The following UNC5D variants were observed in gnomAD, a reference collection of about 807,000 sequenced individuals.
UNC5D encodes netrin receptor UNC5D.
A neutral mutation model predicts 105.4 loss-of-function variants in UNC5D; 39 were observed. The observed-to-expected ratio is 0.37, with a 90% CI of 0.29 to 0.48. The LOEUF (loss-of-function observed/expected upper bound fraction) is 0.48, where lower values mean the gene tolerates loss of function less well. Ranked by LOEUF, UNC5D falls within the 20% of genes least tolerant of loss-of-function variation. UNC5D has a pLI of 0.98. For synonymous variants in UNC5D, 452 were observed against 450.4 expected (o/e 1.00, Z -0.04); for missense variants, 991 against 1,202.4 (o/e 0.82, Z 2.60).
In UNC5D at chr8:35,616,318, G is replaced by A. The variant is rs577555513; in HGVS notation, c.570+20661G>A. 9.2e-5 allele frequency among the ~76,000 whole-genome samples: 14 copies of A among 152,274 alleles called. No individual in the cohort carries two copies. In the South Asian group the frequency reaches 1.9e-3, roughly 20 times the overall value. On this transcript the variant is annotated intron_variant, in intron 4 of 16. Coordinates refer to ENST00000404895, the MANE Select transcript of UNC5D (RefSeq NM_080872.4). ...TTGTGTGCTGAGCACCAGCAGAGTC[G>A]GATAGCATGCCTGTCTTTAGTTCAC... is the stretch of plus-strand genomic sequence containing the variant.
chr8:35,370,755 T>C (rs4739402), intron 1 of UNC5D, among the ~76,000 whole-genome samples: 80,853 of 151,992 alleles, frequency 0.53, 22,256 homozygotes, highest in East Asian at 0.7. Context: ...ATGGTTGTAG[T>C]TTAATCATAG....
intron 9 of UNC5D, among the ~76,000 whole-genome samples, 184 bp from the exon 10 acceptor site, chr8:35,725,968 A>G (rs1294941058): frequency 6.6e-6 from 1 of 152,220 alleles, no homozygotes; most frequent in Non-Finnish European, 1.5e-5. Context: ...GGTGGAAGCC[A>G]GGGCTCTTGA....
intron 15 of UNC5D, 148 bp from the exon 16 acceptor site, chr8:35,774,151 G>C (rs1802132255): frequency 3.8e-6 from 3 of 796,202 alleles, no homozygotes; most frequent in African/African-American, 1.7e-5. Context: ...AGAAGAAAGG[G>C]GAACTTATCA....
intron 1 of UNC5D, among the ~76,000 whole-genome samples, chr8:35,299,820 G>A (rs1461331748): frequency 6.6e-6 from 1 of 152,300 alleles, no homozygotes; most frequent in South Asian, 2.1e-4. Flanking sequence ...CAGCTACACA[G>A]TGGAGTACAA....
chr8:35,677,047 T>C (rs561554564), intron 4 of UNC5D, among the ~76,000 whole-genome samples: 53 of 151,220 alleles, frequency 3.5e-4, no homozygotes, highest in Non-Finnish European at 7.2e-4. Flanking sequence ...TCTCTCATGG[T>C]AATGATAGTC....
chr8:35,367,699 C>T (rs1802198097), intron 1 of UNC5D, among the ~76,000 whole-genome samples: 1 of 151,240 alleles, frequency 6.6e-6, no homozygotes, highest in Non-Finnish European at 1.5e-5. Flanking sequence ...ATACATAAAA[C>T]AGAGCAGGCA....
In UNC5D at chr8:35,514,871, C is replaced by T. The variant is rs78965520; in HGVS notation, c.104-34421C>T. Among the ~76,000 whole-genome samples, 616 of 152,280 alleles carry T rather than the reference C, an allele frequency of 4.0e-3. 1 individual carries two copies. The highest frequency in any genetic ancestry group is 0.024 in the Middle Eastern group (7 of 292). On this transcript the variant is annotated intron_variant, in intron 1 of 16. Transcript: ENST00000404895. ...TGCCAGAAGGAATGGATTTTGTCTT[C>T]TTCAGCTGGCAGAACAATTTTCCAC...
chr8:35,705,254 C>A (rs571522570), intron 7 of UNC5D, among the ~76,000 whole-genome samples: 1 of 152,156 alleles, frequency 6.6e-6, no homozygotes, highest in Non-Finnish European at 1.5e-5. Context: ...GTGAGCCACC[C>A]TGCCCAACCT....
intron 1 of UNC5D, among the ~76,000 whole-genome samples, chr8:35,478,069 T>C (rs1448418879): frequency 6.6e-6 from 1 of 152,188 alleles, no homozygotes; most frequent in East Asian, 1.9e-4. Flanking sequence ...TCATAATTCA[T>C]GCACTGACCA....
rs1396858523 is a variant in UNC5D at position 35,533,093 on chromosome 8, A to G, written c.104-16199A>G. On this transcript the variant is annotated intron_variant, in intron 1 of 16. Coordinates refer to ENST00000404895, the MANE Select transcript of UNC5D (RefSeq NM_080872.4). ...AGCTTTGTTCCGTTGCTGGTGAGGA[A>G]CTGCGTTCCTTTGGAGGAGGAGAGG... Among the ~76,000 whole-genome samples, 20 of 151,632 alleles carry G rather than the reference A, an allele frequency of 1.3e-4. No homozygotes were observed. In the South Asian group the frequency reaches 4.0e-3, roughly 30 times the overall value.
intron 1 of UNC5D, among the ~76,000 whole-genome samples, chr8:35,529,530 G>A (rs1433604491): frequency 2.0e-4 from 26 of 133,214 alleles, no homozygotes; most frequent in African/African-American, 3.0e-4. Flanking sequence ...TTGGCGATGC[G>A]GGCTCTTTTT....
chr8:35,387,055 G>T (rs934294351), intron 1 of UNC5D, among the ~76,000 whole-genome samples: 1 of 151,910 alleles, frequency 6.6e-6, no homozygotes, highest in African/African-American at 2.4e-5. Flanking sequence ...TCACCTAGGT[G>T]CTTGTTAGAA....
chr8:35,299,669 C>T (rs1278598681), intron 1 of UNC5D, among the ~76,000 whole-genome samples: 1 of 152,142 alleles, frequency 6.6e-6, no homozygotes, highest in East Asian at 1.9e-4. Flanking sequence ...GTAATTTATG[C>T]AAAAGATCTA....
At chr8:35,573,288 G>T (rs1285299875) in intron 3 of UNC5D, among the ~76,000 whole-genome samples, 1 of 152,060 alleles carries the variant, frequency 6.6e-6, no homozygotes, top group Non-Finnish European at 1.5e-5. Context: ...AAGGCAAAAG[G>T]TTAGGTGAGC....
In UNC5D at chr8:35,609,493, G is replaced by A. The variant is rs576937143; in HGVS notation, c.570+13836G>A. Among the ~76,000 whole-genome samples the A allele has an allele frequency of 1.5e-3, 235 of 152,274 alleles. 1 individual carries two copies. Among genetic ancestry groups the A allele is most frequent in the Non-Finnish European group, 2.3e-3 (156 of 68,018 alleles). On this transcript the variant is annotated intron_variant, in intron 4 of 16. Coordinates refer to ENST00000404895, the MANE Select transcript of UNC5D (RefSeq NM_080872.4). ...CTAAGAAATTCTAAAGTTGGAGAAG[G>A]AACGTGAAAATGTTCATACCCTTCC...
intron 1 of UNC5D, among the ~76,000 whole-genome samples, chr8:35,527,875 C>A (rs1293310837): frequency 4.6e-5 from 7 of 151,986 alleles, no homozygotes; most frequent in Admixed American, 6.6e-5. Flanking sequence ...CATATGGTCA[C>A]TACTCTCATA....
chr8:35,543,671 G>A (rs1254430383), intron 1 of UNC5D, among the ~76,000 whole-genome samples: 1 of 151,932 alleles, frequency 6.6e-6, no homozygotes, highest in Non-Finnish European at 1.5e-5. Flanking sequence ...CTTTATTTCT[G>A]ACTTTGGTGA....
intron 1 of UNC5D, among the ~76,000 whole-genome samples, chr8:35,380,555 C>G (rs1802984505): frequency 6.6e-6 from 1 of 152,026 alleles, no homozygotes; most frequent in African/African-American, 2.4e-5. Flanking sequence ...CCAAGAGATT[C>G]CATTTAGGAT....
chr8:35,617,018 T>A (rs567842533), intron 4 of UNC5D, among the ~76,000 whole-genome samples: 3 of 152,292 alleles, frequency 2.0e-5, no homozygotes, highest in East Asian at 3.9e-4. Context: ...TGGGCATGAA[T>A]CAAGAACTCA....
Sources: gnomAD v4.1 joint callset for allele counts (sites outside exome capture counted in the v4.1 genomes callset) on GRCh38, gnomAD v4.1.1 for gene constraint, MANE v1.5 for transcripts, NCBI Gene and HGNC (gene_info 2026-07-23, HGNC 2026-07-21) for gene names.